The following SPIDR variants were observed in gnomAD, a reference collection of about 807,000 sequenced individuals.
The protein encoded by SPIDR is DNA repair-scaffolding protein.
A neutral mutation model predicts 104.6 loss-of-function variants in SPIDR; 93 were observed. The ratio of observed to expected loss-of-function variants is 0.89; its 90% CI spans 0.75 to 1.06. The LOEUF (loss-of-function observed/expected upper bound fraction) is 1.06, where lower values mean the gene tolerates loss of function less well. Ranked by LOEUF, SPIDR falls within the 50% of genes least tolerant of loss-of-function variation. The pLI is 0.00. For synonymous variants in SPIDR, 431 were observed against 416.9 expected (o/e 1.03, Z -0.41); for missense variants, 1,154 against 1,111.2 (o/e 1.04, Z -0.55).
intron 8 of SPIDR, among the ~76,000 whole-genome samples, chr8:47,503,296 A>G (rs1351665752): frequency 3.3e-5 from 5 of 152,074 alleles, no homozygotes; most frequent in Non-Finnish European, 7.4e-5. Flanking sequence ...GTCTCTAAGG[A>G]CTTGCTTTAT....
intron 11 of SPIDR, among the ~76,000 whole-genome samples, chr8:47,698,420 A>G (rs62539150): frequency 0.48 from 73,386 of 152,086 alleles, 19,703 homozygotes; most frequent in East Asian, 0.66. Flanking sequence ...GCCCCCAGAC[A>G]ACTCTGCTTC....
intron 10 of SPIDR, among the ~76,000 whole-genome samples, chr8:47,631,175 C>T (rs754389427): frequency 1.3e-5 from 2 of 152,178 alleles, no homozygotes; most frequent in Non-Finnish European, 2.9e-5. Flanking sequence ...CAAGTCTCTG[C>T]CCTGCCTCAT....
At chr8:47,349,756 G>C (rs1270247241) in intron 5 of SPIDR, among the ~76,000 whole-genome samples, 1 of 152,250 alleles carries the variant, frequency 6.6e-6, no homozygotes, top group Non-Finnish European at 1.5e-5. Context: ...AAGGGTCCGT[G>C]GGCGTGGGAC....
intron 11 of SPIDR, among the ~76,000 whole-genome samples, chr8:47,694,888 A>C (rs2079123648): frequency 1.3e-5 from 2 of 152,196 alleles, no homozygotes; most frequent in Admixed American, 1.3e-4. Flanking sequence ...TTAACACATT[A>C]ATTTACCTAA....
chr8:47,561,771 C>T (rs1054998578), intron 8 of SPIDR, among the ~76,000 whole-genome samples: 11 of 152,130 alleles, frequency 7.2e-5, no homozygotes, highest in African/African-American at 1.9e-4. Context: ...CCATCCTATA[C>T]GTAAGGGTTA....
intron 8 of SPIDR, among the ~76,000 whole-genome samples, chr8:47,484,153 AAAG>A (rs1171430499): frequency 6.6e-6 from 1 of 152,236 alleles, no homozygotes; most frequent in Non-Finnish European, 1.5e-5. Context: ...GACCTCACCG[AAAG>A]AAGTCACTTA....
At chr8:47,595,462 A>G (rs1294640140) in intron 8 of SPIDR, among the ~76,000 whole-genome samples, 1 of 148,664 alleles carries the variant, frequency 6.7e-6, no homozygotes. Context: ...TTATTTGTAC[A>G]TTTTATTTCA....
At chr8:47,712,177 G>T (rs967675376) in intron 14 of SPIDR, among the ~76,000 whole-genome samples, 2 of 152,140 alleles carry the variant, frequency 1.3e-5, no homozygotes, top group South Asian at 2.1e-4. Context: ...AAGAAGAAAA[G>T]AAAATAATAA....
chr8:47,681,092 C>T (rs1425304392), intron 11 of SPIDR, among the ~76,000 whole-genome samples: 1 of 152,192 alleles, frequency 6.6e-6, no homozygotes, highest in Non-Finnish European at 1.5e-5. Context: ...AGAGAGAATG[C>T]GAATCTTGAG....
At chr8:47,548,004 C>G (rs981043154) in intron 8 of SPIDR, 1 of 153,000 alleles carries the variant, frequency 6.5e-6, no homozygotes, top group Admixed American at 6.5e-5. Context: ...TTCGCTTCAT[C>G]CCACCAATTT....
intron 1 of SPIDR, among the ~76,000 whole-genome samples, chr8:47,268,347 G>C (rs1033401876): frequency 5.3e-5 from 8 of 152,118 alleles, no homozygotes; most frequent in African/African-American, 1.7e-4. Flanking sequence ...AATAATAGCA[G>C]CTTGTCAATT....
At chr8:47,268,145 G>A (rs2154212275) in intron 1 of SPIDR, among the ~76,000 whole-genome samples, 1 of 152,208 alleles carries the variant, frequency 6.6e-6, no homozygotes, top group South Asian at 2.1e-4. Flanking sequence ...AAAATCAGTT[G>A]ACCATAAAAG....
chr8:47,642,203 C>T (rs1157264698), intron 10 of SPIDR, among the ~76,000 whole-genome samples: 1 of 151,710 alleles, frequency 6.6e-6, no homozygotes, highest in Non-Finnish European at 1.5e-5. Context: ...GCAGGCGGAT[C>T]ACGAAGTAAG....
intron 7 of SPIDR, among the ~76,000 whole-genome samples, chr8:47,431,378 C>T (rs1200533775): frequency 1.3e-5 from 2 of 152,248 alleles, no homozygotes; most frequent in East Asian, 1.9e-4. Context: ...ATCTGTAACA[C>T]ACCCCTGTTG....
At chr8:47,688,044 T>TGTGTGTGTGTGC in intron 11 of SPIDR, among the ~76,000 whole-genome samples, 1 of 151,078 alleles carries the variant, frequency 6.6e-6, no homozygotes, top group South Asian at 2.1e-4. Context: ...TGTGTGTGTG[T>TGTGTGTGTGTGC]GCATGCGTAT....
intron 8 of SPIDR, among the ~76,000 whole-genome samples, chr8:47,493,704 T>G (rs539234105): frequency 6.6e-6 from 1 of 152,278 alleles, no homozygotes; most frequent in East Asian, 1.9e-4. Flanking sequence ...CGTTCTGTCA[T>G]AGGACTTGAA....
At chr8:47,604,521 G>A (rs1461864932) in intron 10 of SPIDR, among the ~76,000 whole-genome samples, 1 of 152,220 alleles carries the variant, frequency 6.6e-6, no homozygotes, top group African/African-American at 2.4e-5. Flanking sequence ...GCAGGAAGCA[G>A]CTACTGCCGT....
intron 5 of SPIDR, among the ~76,000 whole-genome samples, chr8:47,381,156 C>T (rs1230374905): frequency 1.3e-5 from 2 of 152,146 alleles, no homozygotes; most frequent in African/African-American, 4.8e-5. Flanking sequence ...TGGATAAAGA[C>T]TTTGGGTCCC....
intron 7 of SPIDR, among the ~76,000 whole-genome samples, chr8:47,420,680 T>G (rs1268235006): frequency 2.6e-5 from 4 of 152,230 alleles, no homozygotes; most frequent in African/African-American, 9.6e-5. Flanking sequence ...GTTATTTTGC[T>G]CATTAGTTGA....
Sources: gnomAD v4.1 joint callset for allele counts (sites outside exome capture counted in the v4.1 genomes callset) on GRCh38, gnomAD v4.1.1 for gene constraint, MANE v1.5 for transcripts, NCBI Gene and HGNC (gene_info 2026-07-23, HGNC 2026-07-21) for gene names.